Variants in DOK6 observed in about 807,000 individuals in gnomAD.
DOK6 encodes docking protein 6.
In DOK6, 22 loss-of-function variants were observed where a neutral mutation model predicts 44.0. That is an observed-to-expected ratio of 0.50 (90% CI 0.36 to 0.71). The LOEUF (loss-of-function observed/expected upper bound fraction) is 0.71. Ranked by LOEUF, DOK6 falls within the 30% of genes least tolerant of loss-of-function variation. DOK6 has a pLI of 0.00. For synonymous variants in DOK6, 166 were observed against 145.5 expected, an observed-to-expected ratio of 1.14 and a Z score of -1.01; for missense variants, 340 against 416.4, an observed-to-expected ratio of 0.82 and a Z score of 1.60.
intron 7 of DOK6, among the ~76,000 whole-genome samples, chr18:69,799,325 A>G (rs1198509345): frequency 6.6e-6 from 1 of 152,098 alleles, no homozygotes; most frequent in Non-Finnish European, 1.5e-5. Flanking sequence ...GCTAAAAAAG[A>G]TTAAATATTT....
chr18:69,633,451 C>T (rs1984733733), intron 3 of DOK6, among the ~76,000 whole-genome samples: 1 of 152,178 alleles, frequency 6.6e-6, no homozygotes, highest in African/African-American at 2.4e-5. Context: ...TCCTGCAGAA[C>T]ATATTCTGCC....
chr18:69,805,085 C>T (rs1981016010), intron 7 of DOK6, among the ~76,000 whole-genome samples: 2 of 152,064 alleles, frequency 1.3e-5, no homozygotes, highest in African/African-American at 4.8e-5. Context: ...CGGAGGCTTA[C>T]AAAGGAGAGA....
intron 2 of DOK6, among the ~76,000 whole-genome samples, chr18:69,569,184 G>A (rs560785074): frequency 6.6e-6 from 1 of 152,144 alleles, no homozygotes; most frequent in East Asian, 1.9e-4. Context: ...AGAAATCTAG[G>A]CTGCCAGAAA....
At chr18:69,807,892 GA>G (rs1260562405) in intron 7 of DOK6, among the ~76,000 whole-genome samples, 4 of 151,378 alleles carry the variant, frequency 2.6e-5, no homozygotes, top group African/African-American at 4.8e-5. Context: ...ATCATCCAGA[GA>G]AAAAAAATCA....
Position 69,541,379 on chromosome 18 carries a change from G to T in DOK6, c.67-23108G>T, listed in dbSNP as rs998202330. On this transcript the variant is annotated intron_variant, in intron 1 of 7. Coordinates refer to ENST00000382713, the MANE Select transcript of DOK6 (RefSeq NM_152721.6). ...CCTTAAAGCAAGGAAGCAGCAGTGG[G>T]TGGGATCTGTGCATTGATGATGTAT... 3.8e-4 allele frequency among the ~76,000 whole-genome samples: 57 copies of T among 151,626 alleles called. 2 individuals are homozygous for T. Among genetic ancestry groups the T allele is most frequent in the African/African-American group, 1.2e-3 (51 of 41,504 alleles).
intron 1 of DOK6, among the ~76,000 whole-genome samples, chr18:69,536,607 T>C (rs1275543840): frequency 6.6e-6 from 1 of 152,198 alleles, no homozygotes; most frequent in African/African-American, 2.4e-5. Context: ...TCTAAACTTC[T>C]GTATGTTTGA....
intron 3 of DOK6, among the ~76,000 whole-genome samples, chr18:69,619,239 C>T (rs993185347): frequency 1.3e-5 from 2 of 152,198 alleles, no homozygotes; most frequent in African/African-American, 4.8e-5. Context: ...GGAGACAGTG[C>T]CTGGGGCTTC....
chr18:69,504,949 G>A (rs180765368), intron 1 of DOK6, among the ~76,000 whole-genome samples: 150 of 152,194 alleles, frequency 9.9e-4, no homozygotes, highest in Non-Finnish European at 1.8e-3. Flanking sequence ...GAAGCTCTCC[G>A]TTCTTCTCCT....
chr18:69,517,594 A>T (rs1981564836), intron 1 of DOK6, among the ~76,000 whole-genome samples: 1 of 151,884 alleles, frequency 6.6e-6, no homozygotes, highest in African/African-American at 2.4e-5. Flanking sequence ...TGTTGCTTTT[A>T]TATGTTTTTG....
At chr18:69,766,673 G>A (rs1979726293) in intron 7 of DOK6, among the ~76,000 whole-genome samples, 1 of 152,116 alleles carries the variant, frequency 6.6e-6, no homozygotes, top group African/African-American at 2.4e-5. Context: ...GGTTGAGGAG[G>A]AGGAGGAAGA....
chr18:69,434,971 GGAAGGAAGGAAA>G, intron 1 of DOK6, among the ~76,000 whole-genome samples: 3 of 142,518 alleles, frequency 2.1e-5, no homozygotes, highest in African/African-American at 7.7e-5. Flanking sequence ...AAGGAAGGAA[GGAAGGAAGGAAA>G]GAAGGAAGGA....
chr18:69,501,069 A>C (rs576182608), intron 1 of DOK6, among the ~76,000 whole-genome samples: 17 of 152,292 alleles, frequency 1.1e-4, no homozygotes, highest in African/African-American at 3.8e-4. Flanking sequence ...GAACAAACAC[A>C]AAAGATGGAA....
rs144750158 is a variant in DOK6 at position 69,834,917 on chromosome 18, C to T, written c.857-6327C>T. Among the ~76,000 whole-genome samples, 489 of 152,264 alleles carry T rather than the reference C, an allele frequency of 3.2e-3. 3 individuals are homozygous for T. Among genetic ancestry groups the T allele is most frequent in the African/African-American group, 0.01 (436 of 41,552 alleles). ...GGCTGGGGAGGCCTCAGGAAAGTTA[C>T]AATCATGGCGAAAGGGGAAGAGTCA... On this transcript the variant is annotated intron_variant, in intron 7 of 7. Transcript: ENST00000382713.
chr18:69,425,989 GTTTTAC>G (rs943459034), intron 1 of DOK6, among the ~76,000 whole-genome samples: 4 of 151,886 alleles, frequency 2.6e-5, no homozygotes, highest in Non-Finnish European at 5.9e-5. Flanking sequence ...TATTCTAATT[GTTTTAC>G]TTTTAATTTT....
chr18:69,696,931 C>T (rs925736894), intron 4 of DOK6, among the ~76,000 whole-genome samples: 1 of 152,100 alleles, frequency 6.6e-6, no homozygotes, highest in Non-Finnish European at 1.5e-5. Context: ...AGCTTTTAGC[C>T]ATAGAATTGA....
chr18:69,661,570 T>C (rs1452931557), intron 3 of DOK6: 1 of 152,232 alleles, frequency 6.6e-6, no homozygotes, highest in African/African-American at 2.4e-5. Context: ...CTTCCTATTA[T>C]ACTCTGTAGG....
rs1463703705 is a variant in DOK6 at position 69,717,523 on chromosome 18, T to C, written c.599+18930T>C. 2.6e-5 allele frequency among the ~76,000 whole-genome samples: 4 copies of C among 152,214 alleles called. No homozygotes were observed. The South Asian group carries it at 6.2e-4, about 24-fold the overall frequency. ...ACATCATTTTCTTTGAAAATATAGTTTGTGACTCTGTTCCCAAGAGGAGGG... is the reference window on the plus strand; with the variant it reads ...ACATCATTTTCTTTGAAAATATAGTCTGTGACTCTGTTCCCAAGAGGAGGG... On this transcript the variant is annotated intron_variant, in intron 5 of 7. Coordinates refer to ENST00000382713, the MANE Select transcript of DOK6 (RefSeq NM_152721.6).
intron 3 of DOK6, among the ~76,000 whole-genome samples, chr18:69,632,528 C>A (rs531451405): frequency 6.6e-6 from 1 of 152,144 alleles, no homozygotes; most frequent in Admixed American, 6.5e-5. Context: ...TAGGAAGGAA[C>A]CTGGGTCCAC....
At chr18:69,570,639 C>T (rs1223536267) in intron 2 of DOK6, among the ~76,000 whole-genome samples, 2 of 152,020 alleles carry the variant, frequency 1.3e-5, no homozygotes, top group Non-Finnish European at 1.5e-5. Context: ...CCTACCAGGT[C>T]TTTCATAAAA....
Sources: gnomAD v4.1 joint callset for allele counts (sites outside exome capture counted in the v4.1 genomes callset) on GRCh38, gnomAD v4.1.1 for gene constraint, MANE v1.5 for transcripts, NCBI Gene and HGNC (gene_info 2026-07-23, HGNC 2026-07-21) for gene names.